The following NFIL3 variants were observed in gnomAD, a reference collection of about 807,000 sequenced individuals.
The protein encoded by NFIL3 is nuclear factor interleukin-3-regulated protein.
Under a neutral mutation model 10.0 loss-of-function variants are expected in NFIL3, and 5 were observed. That is an observed-to-expected ratio of 0.50 (90% CI 0.26 to 1.06). NFIL3 has a LOEUF of 1.06. Ranked by LOEUF, NFIL3 falls within the 50% of genes least tolerant of loss-of-function variation. The probability of loss-of-function intolerance (pLI) is 0.13; values close to 1 mark genes in which losing one functional copy is unlikely to be tolerated. For missense variants in NFIL3, 436 were observed against 547.6 expected, an observed-to-expected ratio of 0.80 and a Z score of 2.03; for synonymous variants, 202 against 206.5, an observed-to-expected ratio of 0.98 and a Z score of 0.19.
At chr9:91,475,408 C>T in the NFIL3 span, among the ~76,000 whole-genome samples, 2 of 152,178 alleles carry the variant, frequency 1.3e-5, no homozygotes, top group African/African-American at 4.8e-5. Flanking sequence ...TTAAATTCCT[C>T]TAAATACATC....
upstream of NFIL3, chr9:91,426,212 C>G (rs1833872382): frequency 6.6e-6 from 1 of 152,146 alleles, no homozygotes; most frequent in East Asian, 1.9e-4. Flanking sequence ...GTGCATCATT[C>G]ATTGTTACCA....
the NFIL3 span, among the ~76,000 whole-genome samples, chr9:91,436,196 A>G: frequency 1.3e-5 from 2 of 152,208 alleles, no homozygotes; most frequent in Non-Finnish European, 2.9e-5. Context: ...AGCTCCTGCA[A>G]ACAGGATACA....
the NFIL3 span, among the ~76,000 whole-genome samples, chr9:91,465,236 T>C: frequency 6.6e-6 from 1 of 152,146 alleles, no homozygotes; most frequent in Admixed American, 6.6e-5. Flanking sequence ...ACACTGCCCA[T>C]TTTGATATTG....
rs575063178 is a variant in NFIL3, at chr9:91,417,667, A to G, written c.-173+5973T>C. The stretch of plus-strand genomic sequence containing the variant: ...ACCGAAGTTGCAAGAGAATTTTCTA[A>G]TCCCGTTGAAAAAGAGAAGGATTTT... On this transcript the variant is annotated intron_variant, in intron 1 of 1. Coordinates refer to ENST00000297689, the MANE Select transcript of NFIL3 (RefSeq NM_005384.3). 1.1e-4 allele frequency among the ~76,000 whole-genome samples: 17 copies of G among 152,302 alleles called. No homozygotes were observed. In the South Asian group the frequency reaches 3.1e-3, roughly 28 times the overall value.
At chr9:91,434,579 G>A in the NFIL3 span, among the ~76,000 whole-genome samples, 6 of 152,176 alleles carry the variant, frequency 3.9e-5, no homozygotes, top group Non-Finnish European at 8.8e-5. Context: ...TTAATTAACC[G>A]TGAAGCAGCT....
At chr9:91,448,747 A>G in the NFIL3 span, among the ~76,000 whole-genome samples, 1 of 138,494 alleles carries the variant, frequency 7.2e-6, no homozygotes, top group Non-Finnish European at 1.5e-5. Context: ...TATGAAGTAA[A>G]GATTGGCTTG....
chr9:91,482,056 G>T, the NFIL3 span, among the ~76,000 whole-genome samples: 2 of 152,112 alleles, frequency 1.3e-5, no homozygotes, highest in Admixed American at 1.3e-4. Context: ...CTTTGCCCGT[G>T]GGAACAGGAA....
the NFIL3 span, among the ~76,000 whole-genome samples, chr9:91,444,882 C>G: frequency 6.6e-6 from 1 of 152,190 alleles, no homozygotes; most frequent in Non-Finnish European, 1.5e-5. Context: ...TCGTTTCAAG[C>G]CTGACATGGC....
chr9:91,424,034 C>T (rs1833829834), upstream of NFIL3, among the ~76,000 whole-genome samples: 1 of 148,876 alleles, frequency 6.7e-6, no homozygotes, highest in Non-Finnish European at 1.5e-5. Flanking sequence ...GGCGCCACTA[C>T]CAGCTCGCGT....
the NFIL3 span, among the ~76,000 whole-genome samples, chr9:91,459,719 A>G: frequency 1.3e-5 from 2 of 152,034 alleles, no homozygotes; most frequent in East Asian, 1.9e-4. Flanking sequence ...AAAAAAGAAA[A>G]TATTTGTTTA....
At chr9:91,478,144 G>T in the NFIL3 span, among the ~76,000 whole-genome samples, 15 of 151,976 alleles carry the variant, frequency 9.9e-5, no homozygotes, top group South Asian at 2.1e-4. Context: ...TGCTCTTCTC[G>T]AGGAGTATCT....
At chr9:91,476,134 G>T in the NFIL3 span, among the ~76,000 whole-genome samples, 1 of 152,180 alleles carries the variant, frequency 6.6e-6, no homozygotes, top group African/African-American at 2.4e-5. Context: ...GATAATGTAA[G>T]GCTTTCTACC....
chr9:91,462,239 A>G, the NFIL3 span, among the ~76,000 whole-genome samples: 1 of 152,108 alleles, frequency 6.6e-6, no homozygotes. Context: ...TATGACTGTC[A>G]ATACAATGTT....
the NFIL3 span, among the ~76,000 whole-genome samples, chr9:91,440,917 C>T: frequency 6.6e-6 from 1 of 152,016 alleles, no homozygotes; most frequent in Non-Finnish European, 1.5e-5. Context: ...TGTTTTGTGG[C>T]CTAACATACA....
the NFIL3 span, among the ~76,000 whole-genome samples, chr9:91,435,238 A>G: frequency 6.6e-6 from 1 of 152,174 alleles, no homozygotes; most frequent in South Asian, 2.1e-4. Flanking sequence ...GAATTGTGAT[A>G]AAAACGCTTG....
At position 91,410,074 on chromosome 9, in the gene NFIL3, C is replaced by T; in HGVS notation, c.661G>A (p.Glu221Lys). The T allele has an allele frequency of 1.2e-6, 2 of 1,613,584 alleles. No individual in the cohort carries two copies. ...PENKFQIIKQ[E>K]PMELESYTRE... The stretch of plus-strand genomic sequence containing the variant: ...GTGTAGCTCTCTAATTCCATCGGCT[C>T]TTGCTTGATAATCTGGAACTTGTTT... Residue 221 changes from glutamate to lysine, a missense_variant, in exon 2 of 2, where the codon GAG becomes AAG. Glu to Lys is a moderately conservative substitution (Grantham distance 56). Coordinates refer to ENST00000297689, the MANE Select transcript of NFIL3 (RefSeq NM_005384.3). This position sits in a 1 kb window ranked among gnomAD's most constrained non-coding sequence, Gnocchi z 5.7.
the NFIL3 span, among the ~76,000 whole-genome samples, chr9:91,457,684 T>C: frequency 3.9e-5 from 6 of 152,178 alleles, no homozygotes; most frequent in African/African-American, 1.4e-4. Flanking sequence ...ATGTCTTTCA[T>C]CACCTTATTA....
chr9:91,435,925 A>C, the NFIL3 span, among the ~76,000 whole-genome samples: 25 of 152,168 alleles, frequency 1.6e-4, no homozygotes, highest in African/African-American at 5.3e-4. Flanking sequence ...TTTTTACAGC[A>C]TTCAGGGTAC....
At chr9:91,414,161 A>T (rs1468913645) in intron 1 of NFIL3, among the ~76,000 whole-genome samples, 2 of 152,194 alleles carry the variant, frequency 1.3e-5, no homozygotes, top group African/African-American at 2.4e-5. Flanking sequence ...CTACTTTATC[A>T]TCTCTACAAC....
Sources: gnomAD v4.1 joint callset for allele counts (sites outside exome capture counted in the v4.1 genomes callset) on GRCh38, gnomAD v4.1.1 for gene constraint, Gnocchi (gnomAD v3.1) non-coding constraint, MANE v1.5 for transcripts, NCBI Gene and HGNC (gene_info 2026-07-23, HGNC 2026-07-21) for gene names.